MMP26: variants seen among roughly 807,000 people sequenced by gnomAD.
The protein encoded by MMP26 is matrix metalloproteinase-26.
In MMP26, 33 loss-of-function variants were observed where a neutral mutation model predicts 31.0. That is an observed-to-expected ratio of 1.06 (90% CI 0.81 to 1.42). The LOEUF (loss-of-function observed/expected upper bound fraction) is 1.42. MMP26 is among the 40% of genes most tolerant of loss of function. The pLI is 0.00. For synonymous variants in MMP26, 122 were observed against 114.9 expected, an observed-to-expected ratio of 1.06 and a Z score of -0.40; for missense variants, 347 against 316.1, an observed-to-expected ratio of 1.10 and a Z score of -0.74.
intron 2 of MMP26, among the ~76,000 whole-genome samples, chr11:4,957,459 T>G (rs1165798286): frequency 1.3e-5 from 2 of 152,224 alleles, no homozygotes; most frequent in Admixed American, 6.5e-5. Context: ...TTTGTCCTCT[T>G]GTAATTGGGC....
At chr11:4,732,069 C>A (rs1425809493) in intron 1 of MMP26, among the ~76,000 whole-genome samples, 1 of 152,092 alleles carries the variant, frequency 6.6e-6, no homozygotes, top group African/African-American at 2.4e-5. Context: ...CACAAATAGG[C>A]CAGGGTGGGG....
At chr11:4,933,709 G>A (rs1310590174) in intron 2 of MMP26, among the ~76,000 whole-genome samples, 4 of 148,858 alleles carry the variant, frequency 2.7e-5, no homozygotes, top group African/African-American at 9.9e-5. Flanking sequence ...ATCTCCCAAT[G>A]CTATTCCTCC....
intron 2 of MMP26, among the ~76,000 whole-genome samples, chr11:4,964,303 A>T (rs1846560818): frequency 6.6e-6 from 1 of 151,692 alleles, no homozygotes; most frequent in African/African-American, 2.4e-5. Context: ...TGTAAGGGGG[A>T]CTTCCAGTTT....
intron 2 of MMP26, among the ~76,000 whole-genome samples, chr11:4,984,147 C>G (rs1048051611): frequency 6.6e-6 from 1 of 152,004 alleles, no homozygotes; most frequent in Non-Finnish European, 1.5e-5. Flanking sequence ...TAGAGAGGTG[C>G]GTGTCAAGAT....
intron 2 of MMP26, among the ~76,000 whole-genome samples, chr11:4,817,960 GGCAGAGAC>G (rs1375988065): frequency 6.6e-6 from 1 of 152,158 alleles, no homozygotes; most frequent in African/African-American, 2.4e-5. Context: ...AGACCAAGAA[GGCAGAGAC>G]TGTTGAGGTC....
rs565750688 is a variant in MMP26, at chr11:4,924,013, C to T, written c.-144-64055C>T. 16 of 1,614,084 alleles carry T rather than the reference C, an allele frequency of 9.9e-6. No individual in the cohort carries two copies. In the East Asian group the frequency reaches 3.3e-4, roughly 34 times the overall value. ...ACAGAACTGATGACTCCATTGAAGA[C>T]AAGGTGTGGATGAAGAAGAGCTGAG... On this transcript the variant is annotated intron_variant, in intron 2 of 7. Coordinates refer to ENST00000380390, the MANE Select transcript of MMP26 (RefSeq NM_021801.5).
At chr11:4,761,402 T>A (rs763105926) in intron 1 of MMP26, among the ~76,000 whole-genome samples, 162 of 152,176 alleles carry the variant, frequency 1.1e-3, no homozygotes, top group Non-Finnish European at 1.9e-3. Flanking sequence ...AGGTGACCCA[T>A]TTATCTCTAT....
chr11:4,705,152 T>C (rs1313598216), intron 1 of MMP26, 107 bp downstream of exon 1: 1 of 152,228 alleles, frequency 6.6e-6, no homozygotes, highest in African/African-American at 2.4e-5. Context: ...AATGTGAGCA[T>C]GAACTCAGTA....
At chr11:4,806,173 T>C (rs1267581221) in intron 2 of MMP26, among the ~76,000 whole-genome samples, 1 of 152,148 alleles carries the variant, frequency 6.6e-6, no homozygotes, top group African/African-American at 2.4e-5. Flanking sequence ...AAGTGCGATG[T>C]GGTGCTGAGA....
At chr11:4,795,666 A>G (rs1849095970) in intron 2 of MMP26, among the ~76,000 whole-genome samples, 1 of 152,232 alleles carries the variant, frequency 6.6e-6, no homozygotes, top group Admixed American at 6.5e-5. Context: ...ACATAAGAAC[A>G]CTTGTCCTTT....
intron 1 of MMP26, among the ~76,000 whole-genome samples, chr11:4,708,247 C>T (rs1023490608): frequency 1.3e-5 from 2 of 152,182 alleles, no homozygotes; most frequent in Non-Finnish European, 2.9e-5. Flanking sequence ...TGCATTGCCT[C>T]TCAATTCAAA....
At chr11:4,859,412 A>G (rs1850108755) in intron 2 of MMP26, among the ~76,000 whole-genome samples, 1 of 152,222 alleles carries the variant, frequency 6.6e-6, no homozygotes, top group Non-Finnish European at 1.5e-5. Flanking sequence ...TTGTGATACC[A>G]TATTTCAAAA....
At chr11:4,979,123 A>G (rs1257655425) in intron 2 of MMP26, among the ~76,000 whole-genome samples, 2 of 152,130 alleles carry the variant, frequency 1.3e-5, no homozygotes, top group African/African-American at 4.8e-5. Flanking sequence ...AGAAGCATGT[A>G]GAAAGGGGCA....
At chr11:4,726,633 G>A (rs996454555) in intron 1 of MMP26, among the ~76,000 whole-genome samples, 9 of 152,202 alleles carry the variant, frequency 5.9e-5, no homozygotes, top group Admixed American at 5.2e-4. Flanking sequence ...TCAGATAGCA[G>A]AGAGGAGTAT....
In MMP26 at chr11:4,970,494, C is replaced by G. The variant is rs146370906; in HGVS notation, c.-144-17574C>G. 1.7e-3 allele frequency among the ~76,000 whole-genome samples: 255 copies of G among 152,222 alleles called. 1 individual carries two copies. The highest frequency in any genetic ancestry group is 1.3e-4 in the Non-Finnish European group (9 of 68,018). On this transcript the variant is annotated intron_variant, in intron 2 of 7. Coordinates refer to ENST00000380390, the MANE Select transcript of MMP26 (RefSeq NM_021801.5). ...ATTGCTGTTTGGGGTTCCTGAGCAC[C>G]TTGAAAGCTCTTGATGTGTACAGGG...
At chr11:4,739,637 T>C (rs1848286291) in intron 1 of MMP26, among the ~76,000 whole-genome samples, 1 of 152,184 alleles carries the variant, frequency 6.6e-6, no homozygotes, top group Admixed American at 6.5e-5. Context: ...CCTCCTTCAC[T>C]AGTGAAATAT....
intron 2 of MMP26, among the ~76,000 whole-genome samples, chr11:4,814,177 C>G (rs1474883798): frequency 2.0e-5 from 3 of 152,140 alleles, no homozygotes; most frequent in Non-Finnish European, 4.4e-5. Context: ...TTGGAGCACT[C>G]ATAAGTTGAA....
rs1405433339 is a variant in MMP26, at chr11:4,992,024, C to G, written c.656C>G (p.Ser219Cys). ...GGGCATTCTTTGGGCCTGCAGCACT[C>G]TGGGAATCAGAGCTCCATAATGTAC... ...EIGHSLGLQHSGNQSSIMYPT... is the reference protein window; with the variant it reads ...EIGHSLGLQHCGNQSSIMYPT... The change falls in exon 7 of 8, where the codon TCT becomes TGT. Residue 219 changes from serine (S) to cysteine (C), a missense_variant. Ser to Cys is a moderately radical substitution (Grantham distance 112). Coordinates refer to ENST00000380390, the MANE Select transcript of MMP26 (RefSeq NM_021801.5). The G allele has an allele frequency of 8.1e-6, 13 of 1,613,658 alleles. No individual in the cohort carries two copies. Among genetic ancestry groups the G allele is most frequent in the African/African-American group, 1.3e-5 (1 of 74,812 alleles).
chr11:4,853,831 C>T (rs1474610001), intron 2 of MMP26, among the ~76,000 whole-genome samples: 1 of 151,820 alleles, frequency 6.6e-6, no homozygotes, highest in Non-Finnish European at 1.5e-5. Flanking sequence ...CAAATCATAA[C>T]AAAAAACATA....
Sources: allele counts gnomAD v4.1 joint callset (sites outside exome capture counted in the v4.1 genomes callset), GRCh38; gene constraint gnomAD v4.1.1; transcripts MANE v1.5; gene names NCBI Gene and HGNC (gene_info 2026-07-23, HGNC 2026-07-21).